IFT43: variants seen among roughly 807,000 people sequenced by gnomAD.
IFT43 encodes intraflagellar transport 43.
A neutral mutation model predicts 32.3 loss-of-function variants in IFT43; 33 were observed. The observed-to-expected ratio is 1.02, with a 90% CI of 0.77 to 1.37. The LOEUF is 1.37. IFT43 is among the 40% of genes most tolerant of loss of function. IFT43 has a pLI of 0.00. For synonymous variants in IFT43, 93 were observed against 98.2 expected (o/e 0.95, Z 0.31); for missense variants, 274 against 265.9 (o/e 1.03, Z -0.21).
chr14:76,027,633 C>T (rs1378098374), intron 3 of IFT43, among the ~76,000 whole-genome samples: 5 of 150,248 alleles, frequency 3.3e-5, no homozygotes, highest in African/African-American at 7.4e-5. Context: ...GGTGTGAACC[C>T]GGGAAGTGGA....
At chr14:76,015,344 CCCT>C (rs2036167780) in intron 2 of IFT43, among the ~76,000 whole-genome samples, 1 of 152,242 alleles carries the variant, frequency 6.6e-6, no homozygotes, top group East Asian at 1.9e-4. Context: ...GCCTGCCTGT[CCCT>C]CCTCCTCTCC....
rs2037058400 is a variant in IFT43 at position 76,058,151 on chromosome 14, A to G, written c.216-491A>G. ...TGTCACTCCTCACCCACCATCACTC[A>G]GAAGGTCCTCTCGTCCTTCGTGTGA... is the stretch of plus-strand genomic sequence containing the variant. On this transcript the variant is annotated intron_variant, in intron 3 of 8. Coordinates refer to ENST00000314067, the MANE Select transcript of IFT43 (RefSeq NM_001102564.3). 1.8e-5 allele frequency: 4 copies of G among 218,842 alleles called. No homozygotes were observed. In the Admixed American group the frequency reaches 2.1e-4, roughly 12 times the overall value. 13.6% of individuals were successfully genotyped at this position (218,842 alleles called of 1,614,324 possible).
intron 5 of IFT43, among the ~76,000 whole-genome samples, chr14:76,066,823 G>A (rs1333914561): frequency 6.6e-6 from 1 of 152,210 alleles, no homozygotes; most frequent in East Asian, 1.9e-4. Context: ...CAAAGGACAA[G>A]GTGTGAATAT....
chr14:76,007,900 G>A (rs2139915109), intron 2 of IFT43, among the ~76,000 whole-genome samples: 1 of 152,278 alleles, frequency 6.6e-6, no homozygotes, highest in African/African-American at 2.4e-5. Flanking sequence ...TCCAAGGTGG[G>A]AAAGTCCAGG....
chr14:76,016,112 A>C (rs1304712096), intron 2 of IFT43, among the ~76,000 whole-genome samples: 1 of 152,260 alleles, frequency 6.6e-6, no homozygotes, highest in South Asian at 2.1e-4. Flanking sequence ...ATCTTCTCCT[A>C]TAGTTTATCC....
chr14:76,028,565 C>T (rs2036449114), intron 3 of IFT43, among the ~76,000 whole-genome samples: 1 of 152,138 alleles, frequency 6.6e-6, no homozygotes, highest in South Asian at 2.1e-4. Context: ...GATCCTGTCA[C>T]TCAGACAGTG....
At chr14:76,060,030 C>T (rs74634117) in intron 5 of IFT43, among the ~76,000 whole-genome samples, 2,194 of 152,112 alleles carry the variant, frequency 0.014, 56 homozygotes, top group African/African-American at 0.05. Flanking sequence ...CAGTGTGTGA[C>T]GCATAGTAGT....
intron 2 of IFT43, among the ~76,000 whole-genome samples, chr14:76,017,894 A>G (rs562969857): frequency 6.6e-6 from 1 of 151,352 alleles, no homozygotes; most frequent in East Asian, 1.9e-4. Context: ...ATCAGTTGTA[A>G]TGTCTCTTTT....
chr14:76,057,636 C>T (rs976736513), intron 3 of IFT43, among the ~76,000 whole-genome samples: 2 of 152,102 alleles, frequency 1.3e-5, no homozygotes, highest in Non-Finnish European at 2.9e-5. Context: ...GTTGGCTCCT[C>T]GAAACCAATT....
chr14:76,059,866 G>A (rs562772567), intron 5 of IFT43, among the ~76,000 whole-genome samples: 1 of 152,320 alleles, frequency 6.6e-6, no homozygotes, highest in East Asian at 1.9e-4. Context: ...TAAGTAAGTT[G>A]CCCAAGGTCA....
chr14:75,993,423 T>A (rs2035680533), intron 2 of IFT43, among the ~76,000 whole-genome samples: 10 of 152,218 alleles, frequency 6.6e-5, no homozygotes, highest in Admixed American at 6.5e-4. Context: ...CATCCATCCC[T>A]CTCCAGTTAA....
intron 2 of IFT43, among the ~76,000 whole-genome samples, chr14:76,003,631 C>A (rs1309256816): frequency 7.6e-4 from 108 of 141,896 alleles, no homozygotes; most frequent in Middle Eastern, 3.5e-3. Flanking sequence ...GACTCCGTTT[C>A]AAAAAAAAAA....
At chr14:76,083,097 G>A in intron 7 of IFT43, 130 bp from the exon 8 acceptor site, 1 of 908,164 alleles carries the variant, frequency 1.1e-6, no homozygotes, top group Non-Finnish European at 1.8e-6. Flanking sequence ...TTACTCTCTT[G>A]TGAAGGCATT....
chr14:76,030,060 C>A (rs997519699), intron 3 of IFT43, among the ~76,000 whole-genome samples: 7 of 151,168 alleles, frequency 4.6e-5, no homozygotes, highest in Non-Finnish European at 8.8e-5. Flanking sequence ...TTTTTAAATT[C>A]TTATTTTTGT....
intron 5 of IFT43, among the ~76,000 whole-genome samples, chr14:76,060,892 C>CTCCCG (rs1384120828): frequency 2.0e-5 from 3 of 149,844 alleles, no homozygotes; most frequent in East Asian, 2.0e-4. Flanking sequence ...CTCCCCTCCC[C>CTCCCG]TCTCTTTTCT....
At chr14:76,037,608 G>A (rs2036625092) in intron 3 of IFT43, among the ~76,000 whole-genome samples, 1 of 151,546 alleles carries the variant, frequency 6.6e-6, no homozygotes, top group South Asian at 2.1e-4. Flanking sequence ...TGCAGTATTA[G>A]TACAGCAAAC....
At chr14:76,083,198 G>T (rs1427241551) in intron 7 of IFT43, 29 bp from the exon 8 acceptor site, 1 of 1,614,004 alleles carries the variant, frequency 6.2e-7, no homozygotes, top group African/African-American at 1.3e-5. Flanking sequence ...AAGGTGCTCA[G>T]CCTGACCTTT....
chr14:75,993,852 TAAG>T (rs2035688997), intron 2 of IFT43, among the ~76,000 whole-genome samples: 1 of 152,194 alleles, frequency 6.6e-6, no homozygotes, highest in African/African-American at 2.4e-5. Context: ...TGCATGCCAG[TAAG>T]AAGGGTGTAC....
intron 5 of IFT43, among the ~76,000 whole-genome samples, chr14:76,078,928 C>T (rs994583820): frequency 6.6e-6 from 1 of 152,120 alleles, no homozygotes; most frequent in Non-Finnish European, 1.5e-5. Flanking sequence ...TCCATTCTGC[C>T]CCATTTAGCC....
Sources: gnomAD v4.1 joint callset for allele counts (sites outside exome capture counted in the v4.1 genomes callset) on GRCh38, gnomAD v4.1.1 for gene constraint, MANE v1.5 for transcripts, NCBI Gene and HGNC (gene_info 2026-07-23, HGNC 2026-07-21) for gene names.